TIMP2: variants seen among roughly 807,000 people sequenced by gnomAD.
TIMP2 encodes TIMP metallopeptidase inhibitor 2.
A neutral mutation model predicts 24.3 loss-of-function variants in TIMP2; 5 were observed. The observed-to-expected ratio is 0.21, with a 90% confidence interval of 0.11 to 0.43. TIMP2 has a LOEUF of 0.43. Ranked by LOEUF, TIMP2 falls within the 20% of genes least tolerant of loss-of-function variation. The pLI is 1.00. For synonymous variants in TIMP2, 130 were observed against 123.2 expected (o/e 1.06, Z -0.37); for missense variants, 221 against 297.5 (o/e 0.74, Z 1.89).
chr17:78,891,329 C>T lies in TIMP2; in HGVS notation c.131-17410G>A, dbSNP rs1192194356. On this transcript the variant is annotated intron_variant, in intron 1 of 4. Transcript: ENST00000262768. The surrounding 1 kb of genome is among the most constrained non-coding windows in gnomAD (Gnocchi z 4.5). ...CATCTCTGGGTCTGCCATTTTCTTC[C>T]CTCTTGGGGTCCCAGCGCCACACTC... 1.3e-6 allele frequency: 2 copies of T among 1,550,124 alleles called. No homozygotes were observed. Among genetic ancestry groups the T allele is most frequent in the African/African-American group, 2.7e-5 (2 of 72,844 alleles).
intron 1 of TIMP2, among the ~76,000 whole-genome samples, chr17:78,887,902 T>C (rs2069839278): frequency 6.6e-6 from 1 of 152,122 alleles, no homozygotes; most frequent in South Asian, 2.1e-4. Flanking sequence ...GGAGAAGCTA[T>C]GATCCTGGAA....
intron 2 of TIMP2, among the ~76,000 whole-genome samples, chr17:78,871,842 T>A (rs1427682287): frequency 2.0e-4 from 26 of 128,410 alleles, no homozygotes; most frequent in Admixed American, 7.7e-5. Flanking sequence ...AGACTCCATC[T>A]CAAAAAAAAA....
chr17:78,895,530 G>A (rs774721678), intron 1 of TIMP2, among the ~76,000 whole-genome samples: 3 of 152,188 alleles, frequency 2.0e-5, no homozygotes, highest in Non-Finnish European at 4.4e-5. Context: ...CACGCTGCTG[G>A]TGGGAATGGA....
At chr17:78,912,475 C>A (rs960022379) in intron 1 of TIMP2, among the ~76,000 whole-genome samples, 1 of 152,216 alleles carries the variant, frequency 6.6e-6, no homozygotes, top group Non-Finnish European at 1.5e-5. Flanking sequence ...GGTCTCGGTA[C>A]CCACAGAACA....
chr17:78,855,474 C>T lies in TIMP2; in HGVS notation c.*193G>A. 2 of 671,640 alleles carry T rather than the reference C, an allele frequency of 3.0e-6. No homozygotes were observed. The highest frequency in any genetic ancestry group is 1.9e-5 in the South Asian group (1 of 52,360). The allele number at this position is 671,640 out of a possible 1,614,324, so 41.6% of individuals were successfully genotyped here. On this transcript the variant is annotated 3_prime_UTR_variant, in exon 5 of 5. Coordinates refer to ENST00000262768, the MANE Select transcript of TIMP2 (RefSeq NM_003255.5). The surrounding 1 kb of genome is among the most constrained non-coding windows in gnomAD (Gnocchi z 6.0). ...TGGCAGAGGGAGGATGGGATGAGGACCTTGGACCCACGTCTCCCTCCAGAC... is the reference window on the plus strand; with the variant it reads ...TGGCAGAGGGAGGATGGGATGAGGATCTTGGACCCACGTCTCCCTCCAGAC...
At chr17:78,882,590 C>T (rs1043833071) in intron 1 of TIMP2, among the ~76,000 whole-genome samples, 4 of 152,360 alleles carry the variant, frequency 2.6e-5, no homozygotes, top group East Asian at 1.9e-4. Flanking sequence ...GCTCTCCATT[C>T]GGGCAGCACC....
chr17:78,924,579 G>A lies in TIMP2; in HGVS notation c.130+380C>T, dbSNP rs751087744. 3.3e-5 allele frequency among the ~76,000 whole-genome samples: 5 copies of A among 152,072 alleles called. No homozygotes were observed. Among genetic ancestry groups the A allele is most frequent in the Non-Finnish European group, 7.4e-5 (5 of 67,990 alleles). On this transcript the variant is annotated intron_variant, in intron 1 of 4. Coordinates refer to ENST00000262768, the MANE Select transcript of TIMP2 (RefSeq NM_003255.5). This position sits in a 1 kb window ranked among gnomAD's most constrained non-coding sequence, Gnocchi z 5.3. Reference sequence around the variant, plus strand: ...ACCTTATCTGCGAAAGTTTCTTCCTGGGGTCCCCAGTCCTCCAGCCCCCCG... The same window carrying A: ...ACCTTATCTGCGAAAGTTTCTTCCTAGGGTCCCCAGTCCTCCAGCCCCCCG...
chr17:78,859,492 T>G (rs903072091), intron 3 of TIMP2, among the ~76,000 whole-genome samples: 1 of 151,926 alleles, frequency 6.6e-6, no homozygotes, highest in Non-Finnish European at 1.5e-5. Flanking sequence ...AAACCCCGTC[T>G]CTACTAAAAA....
At chr17:78,873,300 C>CAA (rs2069700729) in intron 2 of TIMP2, among the ~76,000 whole-genome samples, 2 of 36,024 alleles carry the variant, frequency 5.6e-5, no homozygotes, top group African/African-American at 1.4e-4. Context: ...CTCCCTGCCA[C>CAA]ATATTTTTTT....
intron 1 of TIMP2, among the ~76,000 whole-genome samples, chr17:78,876,286 C>T (rs1401509018): frequency 6.6e-6 from 1 of 152,182 alleles, no homozygotes; most frequent in East Asian, 1.9e-4. Context: ...TATTCTACCA[C>T]TTCATAATAC....
At chr17:78,902,782 C>T (rs2070115535) in intron 1 of TIMP2, 1 of 152,306 alleles carries the variant, frequency 6.6e-6, no homozygotes, top group African/African-American at 2.4e-5. Flanking sequence ...CTGCAAACCT[C>T]AAGATCCTAA....
At chr17:78,922,896 G>A (rs2070318679) in intron 1 of TIMP2, among the ~76,000 whole-genome samples, 2 of 152,266 alleles carry the variant, frequency 1.3e-5, no homozygotes, top group South Asian at 4.1e-4. Flanking sequence ...CTTGAAAATG[G>A]AACCAAGCAA....
chr17:78,884,768 C>T (rs550691744), intron 1 of TIMP2, among the ~76,000 whole-genome samples: 1 of 152,348 alleles, frequency 6.6e-6, no homozygotes, highest in East Asian at 1.9e-4. Flanking sequence ...CTCGATATAA[C>T]CCCCTTGCCA....
At position 78,857,583 on chromosome 17, in the gene TIMP2, G is replaced by C; in HGVS notation, c.404C>G (p.Thr135Ser). ...GCTCTTCTTCTGGGTGGTGCTCAGGGTGTCCCAGGGCACGATGAAGTCACA... is the reference window on the plus strand; with the variant it reads ...GCTCTTCTTCTGGGTGGTGCTCAGGCTGTCCCAGGGCACGATGAAGTCACA... Reference protein sequence around the residue: ...TLCDFIVPWDTLSTTQKKSLN... With the variant: ...TLCDFIVPWDSLSTTQKKSLN... The change falls in exon 4 of 5, where the codon ACC becomes AGC. Residue 135 changes from threonine to serine, a missense_variant. By Grantham distance (58) the Thr-to-Ser change is moderately conservative. Coordinates refer to ENST00000262768, the MANE Select transcript of TIMP2 (RefSeq NM_003255.5). 6.2e-7 allele frequency: 1 copy of C among 1,614,172 alleles called. No individual in the cohort carries two copies. Among genetic ancestry groups the C allele is most frequent in the Non-Finnish European group, 8.5e-7 (1 of 1,180,028 alleles).
chr17:78,916,082 G>A (rs1161783758), intron 1 of TIMP2, among the ~76,000 whole-genome samples: 2 of 152,164 alleles, frequency 1.3e-5, no homozygotes, highest in Non-Finnish European at 2.9e-5. Context: ...GGCGGGGTGG[G>A]GAGGAACAAG....
In TIMP2 at chr17:78,924,146, G is replaced by T. The variant is rs1331222227; in HGVS notation, c.130+813C>A. On this transcript the variant is annotated intron_variant, in intron 1 of 4. Coordinates refer to ENST00000262768, the MANE Select transcript of TIMP2 (RefSeq NM_003255.5). The surrounding 1 kb of genome is among the most constrained non-coding windows in gnomAD (Gnocchi z 5.3). ...TCCATGGATCAGAACAAATAACTGG[G>T]CCCCTCCTGCCTCCCTCCATGGCGC... is the stretch of plus-strand genomic sequence containing the variant. Among the ~76,000 whole-genome samples the T allele has an allele frequency of 6.6e-6, 1 of 152,154 alleles. No individual in the cohort carries two copies. Among genetic ancestry groups the T allele is most frequent in the Non-Finnish European group, 1.5e-5 (1 of 68,018 alleles).
At chr17:78,897,158 T>G in intron 1 of TIMP2, 3 of 212,218 alleles carry the variant, frequency 1.4e-5, no homozygotes, top group Non-Finnish European at 2.4e-5. Context: ...TGCTGTGCAC[T>G]CCTGTGGCAT....
intron 1 of TIMP2, among the ~76,000 whole-genome samples, chr17:78,893,972 C>T (rs1193601689): frequency 1.3e-5 from 2 of 152,100 alleles, no homozygotes; most frequent in African/African-American, 4.8e-5. Flanking sequence ...ATATGGAGTC[C>T]CCCTCCACTG....
intron 3 of TIMP2, among the ~76,000 whole-genome samples, chr17:78,866,821 T>C (rs997254640): frequency 2.0e-5 from 3 of 151,838 alleles, no homozygotes; most frequent in Admixed American, 1.3e-4. Context: ...AAGCCCAGCA[T>C]AGAGAAATCT....
Sources: gnomAD v4.1 joint callset for allele counts (sites outside exome capture counted in the v4.1 genomes callset) on GRCh38, gnomAD v4.1.1 for gene constraint, Gnocchi (gnomAD v3.1) non-coding constraint, MANE v1.5 for transcripts, NCBI Gene and HGNC (gene_info 2026-07-23, HGNC 2026-07-21) for gene names.